Variants in NEK10 observed in about 807,000 individuals in gnomAD.
The protein encoded by NEK10 is serine/threonine-protein kinase Nek10.
In NEK10, 122 loss-of-function variants were observed where a neutral mutation model predicts 159.8. That is an observed-to-expected ratio of 0.76 (90% CI 0.66 to 0.89). The LOEUF (loss-of-function observed/expected upper bound fraction) is 0.89, where lower values mean the gene tolerates loss of function less well. Among genes scored for constraint, NEK10 ranks in the 40% least tolerant of loss-of-function variants. The pLI, the probability that NEK10 is intolerant of heterozygous loss-of-function variation, is 0.00. For missense variants in NEK10, 1,342 were observed against 1,323.1 expected (o/e 1.01, Z -0.22); for synonymous variants, 466 against 457.1 (o/e 1.02, Z -0.25).
intron 3 of NEK10, among the ~76,000 whole-genome samples, chr3:27,349,085 G>T (rs1340265008): frequency 4.6e-5 from 7 of 152,020 alleles, no homozygotes; most frequent in Admixed American, 4.6e-4. Context: ...ACGGAAGGGG[G>T]TTGCAGTCCA....
intron 5 of NEK10, among the ~76,000 whole-genome samples, chr3:27,342,892 A>C (rs1313754987): frequency 6.6e-6 from 1 of 152,158 alleles, no homozygotes; most frequent in East Asian, 1.9e-4. Flanking sequence ...ACTCCATTCA[A>C]TCTAAGCAGA....
At chr3:27,234,500 A>G (rs1953686328) in intron 23 of NEK10, among the ~76,000 whole-genome samples, 1 of 152,064 alleles carries the variant, frequency 6.6e-6, no homozygotes, top group South Asian at 2.1e-4. Context: ...TCACAAATGA[A>G]CTCCCATTCA....
At chr3:27,229,149 A>G (rs1039851292) in intron 23 of NEK10, among the ~76,000 whole-genome samples, 1 of 152,194 alleles carries the variant, frequency 6.6e-6, no homozygotes, top group Non-Finnish European at 1.5e-5. Context: ...TATCCCTGCC[A>G]TTCCAACCCA....
At chr3:27,283,579 T>C (rs1159679456) in intron 22 of NEK10, among the ~76,000 whole-genome samples, 1 of 152,146 alleles carries the variant, frequency 6.6e-6, no homozygotes, top group Non-Finnish European at 1.5e-5. Context: ...TAGTGAACCA[T>C]TAAAGTCCAT....
In NEK10 at chr3:27,118,593, T is replaced by C. The variant is rs1940835778; in HGVS notation, c.3190+1167A>G. Among the ~76,000 whole-genome samples the C allele has an allele frequency of 2.0e-5, 3 of 152,330 alleles. No individual in the cohort carries two copies. In the South Asian group the frequency reaches 6.2e-4, roughly 32 times the overall value. ...GACATGGGCCAAGCCTAGTCAGCTC[T>C]GGAGTGGGGCATCCAGCTGCCCTGG... On this transcript the variant is annotated intron_variant, in intron 33 of 35. Coordinates refer to ENST00000691995, the MANE Select transcript of NEK10 (RefSeq NM_001394966.1).
chr3:27,127,590 A>G (rs1248728466), intron 32 of NEK10, among the ~76,000 whole-genome samples: 1 of 152,182 alleles, frequency 6.6e-6, no homozygotes, highest in African/African-American at 2.4e-5. Context: ...TTGAATACAG[A>G]AAAGGTACAG....
intron 31 of NEK10, among the ~76,000 whole-genome samples, chr3:27,138,375 C>T (rs1281503391): frequency 6.6e-6 from 1 of 152,188 alleles, no homozygotes; most frequent in African/African-American, 2.4e-5. Flanking sequence ...CAAGTTTCTC[C>T]AGTATAGCAC....
intron 5 of NEK10, among the ~76,000 whole-genome samples, chr3:27,336,273 C>G (rs2046796071): frequency 1.3e-5 from 2 of 152,014 alleles, no homozygotes; most frequent in South Asian, 4.1e-4. Flanking sequence ...TTCCTAGAAA[C>G]TACAACTTCC....
intron 12 of NEK10, 89 bp from the exon 13 acceptor site, chr3:27,301,924 CCCTCAGGTCATGAAGG>C: frequency 9.7e-7 from 1 of 1,028,046 alleles, no homozygotes; most frequent in Non-Finnish European, 1.5e-6. Flanking sequence ...ATCTTTGCCT[CCCTCAGGTCATGAAGG>C]CATCATTATT....
chr3:27,362,207 C>T (rs1391024019), intron 1 of NEK10, among the ~76,000 whole-genome samples: 1 of 152,092 alleles, frequency 6.6e-6, no homozygotes, highest in Non-Finnish European at 1.5e-5. Context: ...CACAGGGATG[C>T]AGGCAAGATG....
chr3:27,366,265 G>A (rs190455821), intron 1 of NEK10, among the ~76,000 whole-genome samples: 6 of 152,260 alleles, frequency 3.9e-5, no homozygotes, highest in Admixed American at 1.3e-4. Context: ...TCTAGGATTT[G>A]GGGAGCTAGG....
intron 31 of NEK10, among the ~76,000 whole-genome samples, chr3:27,136,755 T>G (rs1488191197): frequency 2.0e-5 from 3 of 152,152 alleles, no homozygotes; most frequent in Non-Finnish European, 2.9e-5. Flanking sequence ...CTAAAATAGT[T>G]GCTTTTAGAT....
At chr3:27,117,077 G>A (rs1424472972) in intron 33 of NEK10, among the ~76,000 whole-genome samples, 2 of 152,152 alleles carry the variant, frequency 1.3e-5, no homozygotes, top group African/African-American at 4.8e-5. Flanking sequence ...GACATTTGTT[G>A]TTTGGTTTTC....
chr3:27,307,103 T>C (rs576505210), intron 11 of NEK10, among the ~76,000 whole-genome samples: 4 of 152,360 alleles, frequency 2.6e-5, no homozygotes, highest in South Asian at 4.1e-4. Context: ...AACTTATTCA[T>C]CTTTGGTTTT....
chr3:27,172,623 C>A (rs1470715577), intron 28 of NEK10, among the ~76,000 whole-genome samples: 1 of 151,696 alleles, frequency 6.6e-6, no homozygotes, highest in Non-Finnish European at 1.5e-5. Flanking sequence ...GAAATGTTTC[C>A]AACACAAATA....
chr3:27,366,753 T>C (rs2149917960), intron 1 of NEK10, among the ~76,000 whole-genome samples: 1 of 152,208 alleles, frequency 6.6e-6, no homozygotes, highest in Admixed American at 6.5e-5. Flanking sequence ...GATTGATTTT[T>C]ACCTTTTGTA....
intron 22 of NEK10, among the ~76,000 whole-genome samples, chr3:27,281,524 G>T (rs901706481): frequency 1.3e-5 from 2 of 151,646 alleles, no homozygotes; most frequent in Non-Finnish European, 2.9e-5. Flanking sequence ...TTTAAAACTT[G>T]AGAGAATAAG....
chr3:27,199,339 C>T (rs1457537035), intron 25 of NEK10, among the ~76,000 whole-genome samples: 1 of 152,030 alleles, frequency 6.6e-6, no homozygotes, highest in Non-Finnish European at 1.5e-5. Flanking sequence ...ATACATGTAG[C>T]CAACAAGCAT....
At chr3:27,274,438 C>A (rs1477094241) in intron 22 of NEK10, among the ~76,000 whole-genome samples, 2 of 152,106 alleles carry the variant, frequency 1.3e-5, no homozygotes, top group African/African-American at 4.8e-5. Context: ...CAAATAGACA[C>A]TGTATCTGGG....
Sources: allele counts gnomAD v4.1 joint callset (sites outside exome capture counted in the v4.1 genomes callset), GRCh38; gene constraint gnomAD v4.1.1; transcripts MANE v1.5; gene names NCBI Gene and HGNC (gene_info 2026-07-23, HGNC 2026-07-21).